The following MAPK10 variants were observed in gnomAD, a reference collection of about 807,000 sequenced individuals.
MAPK10 encodes the protein JNK3 alpha protein kinase.
MAPK10 carries 25 observed loss-of-function variants against 59.3 expected under a neutral mutation model. The observed-to-expected ratio is 0.42, with a 90% CI of 0.31 to 0.59. MAPK10 has a LOEUF of 0.59. MAPK10 is among the 20% of genes least tolerant of loss of function. MAPK10 has a pLI of 0.15. For synonymous variants in MAPK10, 190 were observed against 200.5 expected, an observed-to-expected ratio of 0.95 and a Z score of 0.44; for missense variants, 351 against 568.9, an observed-to-expected ratio of 0.62 and a Z score of 3.90.
At chr4:86,216,282 C>CATATATATATAGCATATATAT (rs2087551193) in intron 2 of MAPK10, among the ~76,000 whole-genome samples, 1 of 141,410 alleles carries the variant, frequency 7.1e-6, no homozygotes, top group African/African-American at 2.6e-5. Flanking sequence ...AGCACACACA[C>CATATATATATAGCATATATAT]ATATATATAT....
At chr4:86,453,750 C>T (rs1750991233), upstream of MAPK10, among the ~76,000 whole-genome samples, 1 of 152,122 alleles carries the variant, frequency 6.6e-6, no homozygotes, top group Non-Finnish European at 1.5e-5. Flanking sequence ...TGTTCCTCCC[C>T]ATACTACCAC....
At chr4:86,456,264 C>T (rs972231869), upstream of MAPK10, among the ~76,000 whole-genome samples, 1 of 151,958 alleles carries the variant, frequency 6.6e-6, no homozygotes, top group South Asian at 2.1e-4. Context: ...GAAACAAGAA[C>T]AAACCAAACT....
At chr4:86,023,093 G>T (rs1439728253) in intron 13 of MAPK10, among the ~76,000 whole-genome samples, 2 of 152,274 alleles carry the variant, frequency 1.3e-5, no homozygotes, top group Admixed American at 6.5e-5. Context: ...TTAAGTCTAT[G>T]ATTCATTTTT....
chr4:86,088,187 G>C (rs2052342043), intron 9 of MAPK10, among the ~76,000 whole-genome samples: 1 of 152,018 alleles, frequency 6.6e-6, no homozygotes, highest in Admixed American at 6.6e-5. Flanking sequence ...TTGTTTGTCT[G>C]TTTGTTTAGA....
chr4:86,514,980 C>A lies in MAPK10; in HGVS notation c.-263+78930G>T, dbSNP rs953209956. 2.1e-4 allele frequency among the ~76,000 whole-genome samples: 32 copies of A among 152,074 alleles called. 1 individual carries two copies. The highest frequency in any genetic ancestry group is 4.4e-5 in the Non-Finnish European group (3 of 68,012). On this transcript the variant is annotated intron_variant, in intron 1 of 4. Coordinates refer to the MAPK10 transcript ENST00000502302. ...GTGTACACTGTGCCCAATGTGTAGT[C>A]TTTTATTCCTCACCCCCACCTCACA... is the stretch of plus-strand genomic sequence containing the variant.
intron 2 of MAPK10, among the ~76,000 whole-genome samples, chr4:86,349,563 A>AAT (rs1368809202): frequency 6.6e-6 from 1 of 152,224 alleles, no homozygotes; most frequent in Non-Finnish European, 1.5e-5. Flanking sequence ...ATACTATGGT[A>AAT]ATACAGTGAG....
At chr4:86,394,831 C>T (rs1275888379) in intron 1 of MAPK10, among the ~76,000 whole-genome samples, 1 of 152,166 alleles carries the variant, frequency 6.6e-6, no homozygotes, top group Admixed American at 6.5e-5. Flanking sequence ...AATGTTTGCA[C>T]TATGCTCGGG....
intron 2 of MAPK10, among the ~76,000 whole-genome samples, chr4:86,304,596 G>A (rs1384143395): frequency 1.3e-5 from 2 of 151,472 alleles, no homozygotes; most frequent in African/African-American, 2.4e-5. Flanking sequence ...GTTTCACCGT[G>A]TTAGCCAAGA....
At chr4:86,222,024 G>A (rs909761207) in intron 2 of MAPK10, among the ~76,000 whole-genome samples, 4 of 152,036 alleles carry the variant, frequency 2.6e-5, no homozygotes, top group African/African-American at 9.7e-5. Flanking sequence ...TGTAGCATCT[G>A]CCCCTCACTC....
intron 1 of MAPK10, among the ~76,000 whole-genome samples, chr4:86,564,095 G>T (rs1760887878): frequency 6.6e-6 from 1 of 152,122 alleles, no homozygotes; most frequent in African/African-American, 2.4e-5. Flanking sequence ...GCCTCCCAAA[G>T]TTCTGGGATT....
chr4:86,363,386 A>T (rs1480770597), upstream of MAPK10, among the ~76,000 whole-genome samples: 2 of 152,196 alleles, frequency 1.3e-5, no homozygotes, highest in Non-Finnish European at 2.9e-5. Context: ...GGACAACTGC[A>T]TTTGCCTAAT....
At chr4:86,178,168 C>T (rs1406400768) in intron 3 of MAPK10, among the ~76,000 whole-genome samples, 2 of 152,030 alleles carry the variant, frequency 1.3e-5, no homozygotes, top group African/African-American at 4.8e-5. Flanking sequence ...CCTTTTTCCC[C>T]CTACTGGTCC....
intron 2 of MAPK10, among the ~76,000 whole-genome samples, chr4:86,212,961 G>A (rs2086273012): frequency 2.0e-5 from 3 of 152,074 alleles, no homozygotes; most frequent in Admixed American, 2.0e-4. Flanking sequence ...ACATATTCCA[G>A]AATAGGCCAT....
chr4:86,134,057 A>G (rs2061467676), intron 4 of MAPK10, among the ~76,000 whole-genome samples: 1 of 152,200 alleles, frequency 6.6e-6, no homozygotes, highest in African/African-American at 2.4e-5. Context: ...ACACCTTCAC[A>G]AGGAAGCCAA....
At chr4:86,150,917 A>G (rs867566186) in intron 4 of MAPK10, among the ~76,000 whole-genome samples, 2 of 152,176 alleles carry the variant, frequency 1.3e-5, no homozygotes, top group South Asian at 4.1e-4. Flanking sequence ...ATGTGGAGGC[A>G]TTAACTTCAG....
At position 86,452,199 on chromosome 4, in the gene MAPK10, A is replaced by G. The variant is rs146823860; in HGVS notation, c.-122+831T>C. Among the ~76,000 whole-genome samples the G allele has an allele frequency of 2.0e-4, 31 of 152,330 alleles. No individual in the cohort carries two copies. In the East Asian group the frequency reaches 3.5e-3, roughly 17 times the overall value. On this transcript the variant is annotated intron_variant, in intron 1 of 13. Transcript: ENST00000361569. The stretch of plus-strand genomic sequence containing the variant: ...AGAGACCCAAGGAAGAACTAAAGCC[A>G]TGGTTAGGAACCAAACAACAGAGAA...
chr4:86,378,046 A>G (rs1404950165), intron 1 of MAPK10, among the ~76,000 whole-genome samples: 3 of 152,178 alleles, frequency 2.0e-5, no homozygotes, highest in African/African-American at 7.2e-5. Context: ...AGACACACCC[A>G]GGATCAATAC....
chr4:86,473,340 T>C (rs1752808877), intron 1 of MAPK10, among the ~76,000 whole-genome samples: 1 of 152,122 alleles, frequency 6.6e-6, no homozygotes, highest in Non-Finnish European at 1.5e-5. Flanking sequence ...CAGGATTGAA[T>C]TTTCAAAAAG....
chr4:86,231,022 A>G (rs2091457279), intron 2 of MAPK10, among the ~76,000 whole-genome samples: 2 of 152,226 alleles, frequency 1.3e-5, no homozygotes, highest in Non-Finnish European at 2.9e-5. Context: ...ACATTTTATC[A>G]GAAAATATGA....
Sources: gnomAD v4.1 joint callset for allele counts (sites outside exome capture counted in the v4.1 genomes callset) on GRCh38, gnomAD v4.1.1 for gene constraint, MANE v1.5 for transcripts, NCBI Gene and HGNC (gene_info 2026-07-23, HGNC 2026-07-21) for gene names.